The following EYS variants were observed in gnomAD, a reference collection of about 807,000 sequenced individuals.
The protein encoded by EYS is EGF-like photoreceptor maintenance factor.
EYS carries 250 observed loss-of-function variants against 282.1 expected under a neutral mutation model. The ratio of observed to expected loss-of-function variants is 0.89; its 90% CI spans 0.80 to 0.98. The LOEUF (loss-of-function observed/expected upper bound fraction) is 0.98, where lower values mean the gene tolerates loss of function less well. Ranked by LOEUF, EYS falls within the 50% of genes least tolerant of loss-of-function variation. The pLI, the probability that EYS is intolerant of heterozygous loss-of-function variation, is 0.00. For synonymous variants in EYS, 1,355 were observed against 1,282.9 expected, an observed-to-expected ratio of 1.06 and a Z score of -1.20; for missense variants, 4,016 against 3,709.0, an observed-to-expected ratio of 1.08 and a Z score of -2.15.
intron 26 of EYS, among the ~76,000 whole-genome samples, chr6:64,454,201 C>T (rs542852827): frequency 6.6e-6 from 1 of 152,036 alleles, no homozygotes; most frequent in South Asian, 2.1e-4. Context: ...CTTCCATGTA[C>T]CTGAATCTGT....
intron 2 of EYS, among the ~76,000 whole-genome samples, chr6:65,510,339 C>G (rs1465154771): frequency 6.6e-6 from 1 of 151,936 alleles, no homozygotes; most frequent in East Asian, 1.9e-4. Context: ...CTACAAAGGA[C>G]ATGAAATCAT....
intron 29 of EYS, among the ~76,000 whole-genome samples, chr6:64,334,211 C>T (rs1007887940): frequency 1.3e-5 from 2 of 152,248 alleles, no homozygotes; most frequent in Middle Eastern, 3.4e-3. Flanking sequence ...GATGCTCCAA[C>T]TGTTTGGAGA....
At chr6:64,757,744 T>G (rs201873863) in intron 22 of EYS, among the ~76,000 whole-genome samples, 1,451 of 139,876 alleles carry the variant, frequency 0.01, 21 homozygotes, top group East Asian at 0.02. Flanking sequence ...CTTTTTTTCT[T>G]TGTGTGTGTG....
At chr6:65,140,538 A>T (rs988826904) in intron 12 of EYS, among the ~76,000 whole-genome samples, 16 of 151,790 alleles carry the variant, frequency 1.1e-4, no homozygotes, top group Admixed American at 7.9e-4. Flanking sequence ...AGAAACTACC[A>T]TCAGAGTGAA....
intron 30 of EYS, among the ~76,000 whole-genome samples, chr6:64,299,147 G>T (rs1392703923): frequency 6.6e-6 from 1 of 152,192 alleles, no homozygotes; most frequent in Non-Finnish European, 1.5e-5. Flanking sequence ...CTTAAAGTAG[G>T]TACAAAGGAA....
At chr6:65,533,178 A>G (rs1767843483) in intron 2 of EYS, among the ~76,000 whole-genome samples, 1 of 152,160 alleles carries the variant, frequency 6.6e-6, no homozygotes, top group South Asian at 2.1e-4. Flanking sequence ...AGAAATACAA[A>G]TTACCCTCAG....
intron 2 of EYS, among the ~76,000 whole-genome samples, chr6:65,519,696 ATATATATATATATTTTTTTTTTTTTTTTT>A (rs1767277482): frequency 2.7e-5 from 1 of 36,914 alleles, no homozygotes; most frequent in Non-Finnish European, 4.3e-5. Context: ...CTATATATAT[ATATATATATATATTTTTTTTTTTTTTTTT>A]TTTTTTTTGA....
chr6:64,316,511 G>T (rs1269019396), intron 29 of EYS, among the ~76,000 whole-genome samples: 1 of 152,060 alleles, frequency 6.6e-6, no homozygotes, highest in Admixed American at 6.6e-5. Context: ...TACAAGGGAC[G>T]TGAAGGACCT....
intron 22 of EYS, among the ~76,000 whole-genome samples, chr6:64,751,574 G>T (rs567562398): frequency 2.6e-5 from 4 of 152,208 alleles, no homozygotes; most frequent in Admixed American, 6.5e-5. Flanking sequence ...AGGCCACAGG[G>T]CATAGCACAG....
At chr6:64,826,056 G>A (rs1765047637) in intron 19 of EYS, among the ~76,000 whole-genome samples, 1 of 151,796 alleles carries the variant, frequency 6.6e-6, no homozygotes, top group African/African-American at 2.4e-5. Context: ...TAAAGTCTCA[G>A]TCTCAGTTTT....
intron 22 of EYS, among the ~76,000 whole-genome samples, chr6:64,692,259 C>T (rs974668291): frequency 1.3e-5 from 2 of 152,154 alleles, no homozygotes; most frequent in Admixed American, 6.6e-5. Flanking sequence ...TGATGCTAAG[C>T]ATTTTATCTT....
At chr6:63,801,809 G>A (rs899084878) in intron 37 of EYS, among the ~76,000 whole-genome samples, 4 of 152,164 alleles carry the variant, frequency 2.6e-5, no homozygotes, top group African/African-American at 9.7e-5. Context: ...TGCAAAATGA[G>A]TGTTCAGCTT....
chr6:63,722,039 G>GA (rs2149626056), intron 42 of EYS, among the ~76,000 whole-genome samples: 1 of 152,250 alleles, frequency 6.6e-6, no homozygotes, highest in South Asian at 2.1e-4. Context: ...CTCATTGAAT[G>GA]AATATATTGT....
At chr6:65,630,292 T>A (rs1766865536) in intron 2 of EYS, among the ~76,000 whole-genome samples, 1 of 152,188 alleles carries the variant, frequency 6.6e-6, no homozygotes, top group Non-Finnish European at 1.5e-5. Context: ...TTAGAGACTA[T>A]CACATTACCT....
chr6:63,971,531 A>G (rs776114574), intron 35 of EYS, among the ~76,000 whole-genome samples: 117 of 152,184 alleles, frequency 7.7e-4, no homozygotes, highest in Non-Finnish European at 9.0e-4. Flanking sequence ...AGTTTTCTCC[A>G]TGGGAGAAGA....
intron 18 of EYS, among the ~76,000 whole-genome samples, chr6:64,901,696 A>G (rs1767668735): frequency 1.3e-5 from 2 of 152,100 alleles, no homozygotes; most frequent in Non-Finnish European, 2.9e-5. Flanking sequence ...AATAGTCCAA[A>G]TATCTATAAC....
At chr6:64,746,307 G>A (rs969349310) in intron 22 of EYS, among the ~76,000 whole-genome samples, 1 of 151,862 alleles carries the variant, frequency 6.6e-6, no homozygotes, top group Non-Finnish European at 1.5e-5. Flanking sequence ...TCAAGAATGA[G>A]TTCCTTATGA....
intron 26 of EYS, among the ~76,000 whole-genome samples, chr6:64,514,290 A>C (rs1777496249): frequency 6.6e-6 from 1 of 151,886 alleles, no homozygotes; most frequent in African/African-American, 2.4e-5. Flanking sequence ...GAAGATAGAA[A>C]TCATTAGGAT....
chr6:63,906,653 T>A (rs1200903241), intron 35 of EYS, among the ~76,000 whole-genome samples: 1 of 152,222 alleles, frequency 6.6e-6, no homozygotes, highest in African/African-American at 2.4e-5. Context: ...TATTTAAAAT[T>A]TCATAACATT....
Sources: allele counts gnomAD v4.1 joint callset (sites outside exome capture counted in the v4.1 genomes callset), GRCh38; gene constraint gnomAD v4.1.1; transcripts MANE v1.5; gene names NCBI Gene and HGNC (gene_info 2026-07-23, HGNC 2026-07-21).